Variants in CSMD1 observed in about 807,000 individuals in gnomAD.
The protein encoded by CSMD1 is CUB and Sushi multiple domains 1, also known as CUB and sushi domain-containing protein 1.
In CSMD1, 213 loss-of-function variants were observed where a neutral mutation model predicts 417.5. The observed-to-expected ratio is 0.51, with a 90% confidence interval of 0.46 to 0.57. The LOEUF is 0.57. Ranked by LOEUF, CSMD1 falls within the 20% of genes least tolerant of loss-of-function variation. The pLI is 0.00. For synonymous variants in CSMD1, 2,862 were observed against 1,736.8 expected (o/e 1.65, Z -16.11); for missense variants, 6,923 against 4,529.7 (o/e 1.53, Z -15.17).
At chr8:3,022,240 C>T (rs186186745) in intron 51 of CSMD1, among the ~76,000 whole-genome samples, 1 of 151,608 alleles carries the variant, frequency 6.6e-6, no homozygotes, top group African/African-American at 2.4e-5. Flanking sequence ...CCCGCAATCC[C>T]ACAGCATCTG....
chr8:3,451,462 G>C (rs1250398418), intron 12 of CSMD1, among the ~76,000 whole-genome samples: 7 of 152,182 alleles, frequency 4.6e-5, no homozygotes, highest in South Asian at 2.1e-4. Context: ...TAACATTTAA[G>C]TGTCCAATTC....
rs918384792 is a variant in CSMD1, at chr8:3,193,795, A to G, written c.5195-3680T>C. On this transcript the variant is annotated intron_variant, in intron 33 of 69. Coordinates refer to ENST00000635120, the MANE Select transcript of CSMD1 (RefSeq NM_033225.6). ...AGGTGCTGAAAGTGGGAAGCAGCGC[A>G]AATGTGTGCTCATCTGTCGGGAAAA... Among the ~76,000 whole-genome samples, 10 of 152,300 alleles carry G rather than the reference A, an allele frequency of 6.6e-5. No individual in the cohort carries two copies. The East Asian group carries it at 1.7e-3, about 27-fold the overall frequency.
intron 3 of CSMD1, among the ~76,000 whole-genome samples, chr8:4,216,490 A>C (rs953014426): frequency 6.6e-6 from 1 of 152,196 alleles, no homozygotes; most frequent in African/African-American, 2.4e-5. Flanking sequence ...TTACTCATTA[A>C]TAGAATTAGT....
chr8:4,061,000 A>G (rs1798942625), intron 3 of CSMD1, among the ~76,000 whole-genome samples: 1 of 152,200 alleles, frequency 6.6e-6, no homozygotes, highest in African/African-American at 2.4e-5. Flanking sequence ...CAAGCAAAGC[A>G]AAAAAGAGAA....
At chr8:4,205,304 T>C (rs1000086644) in intron 3 of CSMD1, among the ~76,000 whole-genome samples, 17 of 152,352 alleles carry the variant, frequency 1.1e-4, no homozygotes, top group African/African-American at 3.8e-4. Context: ...AAAAAGATTA[T>C]TGTTATTTAC....
chr8:3,858,395 T>A (rs928411273), intron 5 of CSMD1, among the ~76,000 whole-genome samples: 3 of 152,172 alleles, frequency 2.0e-5, no homozygotes, highest in Non-Finnish European at 4.4e-5. Context: ...TAAAATGAAT[T>A]CTATGCTGTT....
At chr8:4,227,647 T>A (rs537820101) in intron 3 of CSMD1, among the ~76,000 whole-genome samples, 1 of 151,998 alleles carries the variant, frequency 6.6e-6, no homozygotes, top group Admixed American at 6.6e-5. Context: ...CTACCAATCA[T>A]TGCCAGTGAT....
intron 37 of CSMD1, among the ~76,000 whole-genome samples, chr8:3,178,308 T>C (rs545015644): frequency 2.0e-5 from 3 of 152,192 alleles, no homozygotes; most frequent in Non-Finnish European, 4.4e-5. Flanking sequence ...AAAGAACTCC[T>C]GAGATAGAAG....
intron 3 of CSMD1, among the ~76,000 whole-genome samples, chr8:4,236,026 G>GTTTTTTTTTTTTTTTTTTTTTTTTTTTTT (rs147378202): frequency 9.3e-6 from 1 of 108,086 alleles, no homozygotes; most frequent in African/African-American, 4.2e-5. Flanking sequence ...AATGGATATT[G>GTTTTTTTTTTTTTTTTTTTTTTTTTTTTT]TTTTTTTTGT....
At chr8:3,861,066 C>A (rs1022964085) in intron 5 of CSMD1, among the ~76,000 whole-genome samples, 2 of 152,120 alleles carry the variant, frequency 1.3e-5, no homozygotes, top group Non-Finnish European at 2.9e-5. Context: ...CCTCCTTTTT[C>A]AGTATCAGCT....
chr8:4,165,016 G>C (rs759178705), intron 3 of CSMD1, among the ~76,000 whole-genome samples: 5 of 151,966 alleles, frequency 3.3e-5, no homozygotes, highest in Non-Finnish European at 5.9e-5. Context: ...GTATGTTTTT[G>C]TCCATGACAC....
intron 3 of CSMD1, among the ~76,000 whole-genome samples, chr8:4,225,301 T>G (rs1447558496): frequency 6.6e-6 from 1 of 152,158 alleles, no homozygotes; most frequent in African/African-American, 2.4e-5. Context: ...GTTTTAAACT[T>G]TCTTTTCTGA....
At chr8:4,414,046 A>G (rs1301102305) in intron 3 of CSMD1, among the ~76,000 whole-genome samples, 4 of 151,920 alleles carry the variant, frequency 2.6e-5, no homozygotes, top group Non-Finnish European at 5.9e-5. Flanking sequence ...AAAAGGAAAC[A>G]TTTCTATCCT....
At chr8:3,503,841 C>T (rs544323614) in intron 10 of CSMD1, among the ~76,000 whole-genome samples, 2,289 of 150,214 alleles carry the variant, frequency 0.015, 55 homozygotes, top group African/African-American at 0.053. Flanking sequence ...TTGCCCCCCC[C>T]CAACCCCCAC....
chr8:3,293,505 C>T (rs1051827480), intron 25 of CSMD1, among the ~76,000 whole-genome samples: 2 of 152,150 alleles, frequency 1.3e-5, no homozygotes, highest in African/African-American at 4.8e-5. Context: ...TCCCATATTT[C>T]TTGGAGGCTT....
At chr8:4,713,024 G>C (rs1808409386) in intron 1 of CSMD1, among the ~76,000 whole-genome samples, 1 of 152,208 alleles carries the variant, frequency 6.6e-6, no homozygotes, top group Non-Finnish European at 1.5e-5. Flanking sequence ...CTGACTACAA[G>C]GTGTGATCTT....
At position 4,129,885 on chromosome 8, in the gene CSMD1, G is replaced by A. The variant is rs1177452060; in HGVS notation, c.416-97786C>T. ...TCATAGCATTCTGTTCTTGTTTTGT[G>A]AATATAATATATCCTTTTACTTCTC... On this transcript the variant is annotated intron_variant, in intron 3 of 69. Coordinates refer to ENST00000635120, the MANE Select transcript of CSMD1 (RefSeq NM_033225.6). 2.0e-5 allele frequency among the ~76,000 whole-genome samples: 3 copies of A among 152,136 alleles called. No individual in the cohort carries two copies. The South Asian group carries it at 6.2e-4, about 32-fold the overall frequency.
chr8:3,542,413 T>C (rs115388052), intron 10 of CSMD1, among the ~76,000 whole-genome samples: 398 of 152,328 alleles, frequency 2.6e-3, no homozygotes, highest in African/African-American at 9.2e-3. Flanking sequence ...CTGTTCCAGA[T>C]ACCGTTCTAC....
intron 1 of CSMD1, among the ~76,000 whole-genome samples, chr8:4,729,310 C>T (rs1809695392): frequency 1.3e-5 from 2 of 152,172 alleles, no homozygotes; most frequent in South Asian, 2.1e-4. Context: ...CGATGATCCA[C>T]ACAAAGGTGT....
Sources: allele counts gnomAD v4.1 joint callset (sites outside exome capture counted in the v4.1 genomes callset), GRCh38; gene constraint gnomAD v4.1.1; transcripts MANE v1.5; gene names NCBI Gene and HGNC (gene_info 2026-07-23, HGNC 2026-07-21).